Variants in CDC7 observed in about 807,000 individuals in gnomAD.
CDC7 encodes cell division cycle 7, also known as cell division cycle 7-related protein kinase.
CDC7 carries 34 observed loss-of-function variants against 53.5 expected under a neutral mutation model. That is an observed-to-expected ratio of 0.64 (90% CI 0.48 to 0.85). The LOEUF (loss-of-function observed/expected upper bound fraction) is 0.85, where lower values mean the gene tolerates loss of function less well. Ranked by LOEUF, CDC7 falls within the 40% of genes least tolerant of loss-of-function variation. CDC7 has a pLI of 0.00. For synonymous variants in CDC7, 211 were observed against 222.8 expected, an observed-to-expected ratio of 0.95 and a Z score of 0.47; for missense variants, 594 against 679.7, an observed-to-expected ratio of 0.87 and a Z score of 1.40.
chr1:91,509,955 C>T (rs1667191755), intron 4 of CDC7, among the ~76,000 whole-genome samples: 1 of 152,202 alleles, frequency 6.6e-6, no homozygotes, highest in South Asian at 2.1e-4. Flanking sequence ...AAACTGGACG[C>T]AGTAGTTCAT....
rs182058694 is a variant in CDC7, at chr1:91,522,071, A to C, written c.1330+1792A>C. ...TCCCAGCTACTCGGGAGGCTGAGGC[A>C]GGAGAACCAGCTGAACCTGGGAGAT... On this transcript the variant is annotated intron_variant, in intron 11 of 11. Transcript: ENST00000234626. 2.7e-4 allele frequency among the ~76,000 whole-genome samples: 41 copies of C among 152,276 alleles called. No individual in the cohort carries two copies. In the East Asian group the frequency reaches 7.1e-3, roughly 26 times the overall value.
intron 11 of CDC7, among the ~76,000 whole-genome samples, chr1:91,522,313 G>GTAACC (rs1667996951): frequency 6.6e-6 from 1 of 152,162 alleles, no homozygotes. Flanking sequence ...GTTCCCCTTT[G>GTAACC]TAACCTAAAG....
chr1:91,502,872 A>G (rs1666774557), intron 2 of CDC7, among the ~76,000 whole-genome samples: 1 of 152,220 alleles, frequency 6.6e-6, no homozygotes, highest in East Asian at 1.9e-4. Flanking sequence ...TTAAAATGCC[A>G]CTTTCATCCA....
At chr1:91,514,066 A>C in intron 8 of CDC7, 23 bp downstream of exon 8, 1 of 1,432,320 alleles carries the variant, frequency 7.0e-7, no homozygotes, top group Non-Finnish European at 9.8e-7. Context: ...GCTTAATAGC[A>C]TAATGGTCAG....
chr1:91,512,034 T>C, intron 6 of CDC7, 111 bp downstream of exon 6: 1 of 787,270 alleles, frequency 1.3e-6, no homozygotes, highest in Non-Finnish European at 1.9e-6. Flanking sequence ...CAAAAGTTAC[T>C]ATTGTGAAGC....
chr1:91,514,328 C>T (rs1191780288), intron 8 of CDC7, among the ~76,000 whole-genome samples: 1 of 151,996 alleles, frequency 6.6e-6, no homozygotes, highest in Non-Finnish European at 1.5e-5. Context: ...AGTGTGAGCT[C>T]CATACAGTTA....
intron 10 of CDC7, among the ~76,000 whole-genome samples, chr1:91,517,702 G>A (rs924960267): frequency 6.6e-6 from 1 of 152,126 alleles, no homozygotes; most frequent in Non-Finnish European, 1.5e-5. Context: ...CAATCAGGGA[G>A]AGTATACAGA....
At chr1:91,516,603 A>C (rs1481151643) in intron 10 of CDC7, among the ~76,000 whole-genome samples, 1 of 152,178 alleles carries the variant, frequency 6.6e-6, no homozygotes, top group Non-Finnish European at 1.5e-5. Flanking sequence ...TGAGTATGGT[A>C]ATAAAACTTA....
intron 2 of CDC7, among the ~76,000 whole-genome samples, chr1:91,505,368 T>A (rs1253574132): frequency 2.0e-5 from 3 of 152,204 alleles, no homozygotes; most frequent in Non-Finnish European, 4.4e-5. Flanking sequence ...ACAAGGTGAC[T>A]TAGCTTTATC....
chr1:91,524,010 C>CTGTTGT, intron 11 of CDC7, 31 bp from the exon 12 acceptor site: 1 of 1,524,030 alleles, frequency 6.6e-7, no homozygotes, highest in Non-Finnish European at 8.9e-7. Context: ...ATGTTTTTTT[C>CTGTTGT]TGTTTTTGTT....
chr1:91,501,582 G>T, intron 1 of CDC7, 72 bp from the exon 2 acceptor site: 1 of 699,748 alleles, frequency 1.4e-6, no homozygotes, highest in Middle Eastern at 2.5e-4. Flanking sequence ...GCCCCTTTGG[G>T]GGGCAGTAGC....
intron 4 of CDC7, among the ~76,000 whole-genome samples, chr1:91,510,072 AGGCAAGGT>A (rs1458655496): frequency 5.3e-5 from 8 of 152,062 alleles, no homozygotes; most frequent in African/African-American, 1.9e-4. Flanking sequence ...AAAATTATCC[AGGCAAGGT>A]GGCACACATC....
chr1:91,506,942 T>TC (rs1490670636), intron 2 of CDC7, among the ~76,000 whole-genome samples: 1 of 152,068 alleles, frequency 6.6e-6, no homozygotes, highest in Non-Finnish European at 1.5e-5. Context: ...AGAGTGAGAC[T>TC]CCATCTCAAA....
intron 9 of CDC7, 132 bp from the exon 10 acceptor site, chr1:91,515,662 T>C (rs1378368984): frequency 3.9e-6 from 4 of 1,027,442 alleles, no homozygotes; most frequent in Non-Finnish European, 5.5e-6. Context: ...TAGATTATCA[T>C]TTACTTTATA....
At chr1:91,517,188 A>G (rs1490923098) in intron 10 of CDC7, among the ~76,000 whole-genome samples, 1 of 152,238 alleles carries the variant, frequency 6.6e-6, no homozygotes, top group Non-Finnish European at 1.5e-5. Context: ...TACTGTAGAT[A>G]TTGGAAAGTT....
intron 4 of CDC7, 112 bp downstream of exon 4, chr1:91,508,509 C>G: frequency 1.3e-6 from 1 of 795,512 alleles, no homozygotes; most frequent in Non-Finnish European, 1.9e-6. Flanking sequence ...ATTTTTCAGT[C>G]AAGTGTTTGC....
intron 8 of CDC7, among the ~76,000 whole-genome samples, chr1:91,514,485 C>G (rs1347734780): frequency 4.6e-5 from 7 of 152,172 alleles, no homozygotes. Context: ...TGATTTTAGC[C>G]AACGTACTTG....
chr1:91,503,389 C>T (rs916026059), intron 2 of CDC7, among the ~76,000 whole-genome samples: 10 of 152,088 alleles, frequency 6.6e-5, no homozygotes, highest in Admixed American at 2.6e-4. Context: ...GGTCCAGGCA[C>T]ATAACAGTCT....
At chr1:91,501,297 C>A in intron 1 of CDC7, 1 of 169,554 alleles carries the variant, frequency 5.9e-6, no homozygotes, top group Non-Finnish European at 1.3e-5. Context: ...CTGTCAGTGG[C>A]GAAAAGGTTT....
Sources: allele counts gnomAD v4.1 joint callset (sites outside exome capture counted in the v4.1 genomes callset), GRCh38; gene constraint gnomAD v4.1.1; transcripts MANE v1.5; gene names NCBI Gene and HGNC (gene_info 2026-07-23, HGNC 2026-07-21).